The following WDR72 variants were observed in gnomAD, a reference collection of about 807,000 sequenced individuals.
WDR72 encodes the protein WD repeat domain 72.
In WDR72, 120 loss-of-function variants were observed where a neutral mutation model predicts 124.2. The ratio of observed to expected loss-of-function variants is 0.97; its 90% CI spans 0.83 to 1.12. WDR72 has a LOEUF of 1.12. Ranked by LOEUF, WDR72 falls within the 50% of genes most tolerant of loss-of-function variation. WDR72 has a pLI of 0.00. For synonymous variants in WDR72, 452 were observed against 441.7 expected (o/e 1.02, Z -0.29); for missense variants, 1,387 against 1,278.8 (o/e 1.08, Z -1.29).
chr15:53,524,981 G>A (rs748346471), intron 18 of WDR72, among the ~76,000 whole-genome samples: 8 of 152,124 alleles, frequency 5.3e-5, no homozygotes, highest in Non-Finnish European at 7.4e-5. Context: ...TCTTTTCAAT[G>A]GATCTGTTCA....
At chr15:53,683,491 T>A (rs575744278) in intron 13 of WDR72, among the ~76,000 whole-genome samples, 5 of 152,230 alleles carry the variant, frequency 3.3e-5, no homozygotes, top group South Asian at 2.1e-4. Flanking sequence ...CAAAATTTTT[T>A]AAAATAAGGA....
At chr15:53,679,013 A>G (rs1475013770) in intron 13 of WDR72, among the ~76,000 whole-genome samples, 1 of 152,256 alleles carries the variant, frequency 6.6e-6, no homozygotes, top group Admixed American at 6.5e-5. Flanking sequence ...AAAATGGATG[A>G]AACTTGAAGT....
chr15:53,612,614 CTA>C (rs2013591162), intron 16 of WDR72, among the ~76,000 whole-genome samples: 1 of 151,742 alleles, frequency 6.6e-6, no homozygotes, highest in African/African-American at 2.4e-5. Flanking sequence ...GGGGTGAGCA[CTA>C]AGAGAGAAGG....
intron 18 of WDR72, among the ~76,000 whole-genome samples, chr15:53,554,416 G>T (rs1278406311): frequency 6.6e-6 from 1 of 152,014 alleles, no homozygotes; most frequent in African/African-American, 2.4e-5. Flanking sequence ...AAAATAGAAA[G>T]ACAAAATGGC....
intron 13 of WDR72, among the ~76,000 whole-genome samples, chr15:53,671,124 CATG>C (rs1234281811): frequency 1.3e-5 from 2 of 152,152 alleles, no homozygotes; most frequent in Non-Finnish European, 2.9e-5. Context: ...ACAACCTGCT[CATG>C]ATTTTTTTTT....
chr15:53,587,351 A>C (rs1461621351), intron 18 of WDR72, among the ~76,000 whole-genome samples: 1 of 152,004 alleles, frequency 6.6e-6, no homozygotes, highest in Non-Finnish European at 1.5e-5. Context: ...CAGTGTCAAG[A>C]AAATCCATTT....
intron 1 of WDR72, among the ~76,000 whole-genome samples, chr15:53,749,461 C>A (rs1035846291): frequency 6.6e-6 from 1 of 152,068 alleles, no homozygotes; most frequent in African/African-American, 2.4e-5. Context: ...ACTGGCCATT[C>A]CCCTGTCTCC....
In WDR72 at chr15:53,638,872, G is replaced by A. The variant is rs376449642; in HGVS notation, c.1963-22629C>T. ...ACAAAAATTAGCCAGGCATGATGGC[G>A]GGTACCTGTAATCCCAGCTACTTGG... On this transcript the variant is annotated intron_variant, in intron 14 of 19. Coordinates refer to ENST00000360509, the MANE Select transcript of WDR72 (RefSeq NM_182758.4). Among the ~76,000 whole-genome samples the A allele has an allele frequency of 1.2e-4, 18 of 151,908 alleles. No individual in the cohort carries two copies. In the East Asian group the frequency reaches 3.1e-3, roughly 26 times the overall value.
intron 5 of WDR72, 145 bp from the exon 6 acceptor site, chr15:53,714,655 T>C: frequency 1.5e-6 from 1 of 668,378 alleles, no homozygotes; most frequent in South Asian, 1.8e-5. Context: ...CTAGAAAAAA[T>C]AAACATTTTA....
intron 18 of WDR72, among the ~76,000 whole-genome samples, chr15:53,547,057 T>C (rs1032846197): frequency 6.6e-6 from 1 of 152,186 alleles, no homozygotes; most frequent in Non-Finnish European, 1.5e-5. Context: ...TATGACAAAA[T>C]ACATAAGCCT....
intron 18 of WDR72, among the ~76,000 whole-genome samples, chr15:53,524,913 A>T (rs1052228841): frequency 6.6e-6 from 1 of 152,096 alleles, no homozygotes; most frequent in Non-Finnish European, 1.5e-5. Flanking sequence ...CACATGAATG[A>T]TGCAGAGGTA....
At chr15:53,742,914 C>T (rs1428179464) in intron 1 of WDR72, among the ~76,000 whole-genome samples, 2 of 152,028 alleles carry the variant, frequency 1.3e-5, no homozygotes, top group East Asian at 3.9e-4. Flanking sequence ...ATCAATACAG[C>T]TATGGAAATA....
intron 13 of WDR72, among the ~76,000 whole-genome samples, chr15:53,668,874 T>C (rs1353825219): frequency 7.6e-6 from 1 of 130,986 alleles, no homozygotes; most frequent in African/African-American, 2.9e-5. Flanking sequence ...CACTGTATTA[T>C]AGCCTCAGTG....
At chr15:53,710,138 A>G (rs1257252592) in intron 9 of WDR72, among the ~76,000 whole-genome samples, 3 of 152,254 alleles carry the variant, frequency 2.0e-5, no homozygotes, top group Non-Finnish European at 4.4e-5. Flanking sequence ...CCAAAAGCAT[A>G]ATTATATTTG....
chr15:53,589,092 G>A (rs769775257), intron 18 of WDR72, among the ~76,000 whole-genome samples: 16 of 151,890 alleles, frequency 1.1e-4, no homozygotes, highest in Non-Finnish European at 2.4e-4. Flanking sequence ...CAAGGCTCAG[G>A]TCTCTAAAAA....
chr15:53,594,972 T>C (rs1375875070), intron 18 of WDR72, among the ~76,000 whole-genome samples: 2 of 152,188 alleles, frequency 1.3e-5, no homozygotes, highest in Non-Finnish European at 2.9e-5. Context: ...CTCTCTTCGA[T>C]GTATTTTATG....
intron 13 of WDR72, among the ~76,000 whole-genome samples, chr15:53,674,248 C>A (rs2016089170): frequency 2.0e-5 from 3 of 152,148 alleles, no homozygotes; most frequent in Admixed American, 1.3e-4. Flanking sequence ...GACCTCACTA[C>A]CAAATTTGAT....
chr15:53,690,224 GA>G (rs1048305168), intron 13 of WDR72, among the ~76,000 whole-genome samples: 1 of 151,114 alleles, frequency 6.6e-6, no homozygotes, highest in Non-Finnish European at 1.5e-5. Context: ...AATAATAAAA[GA>G]AAAAAAACTT....
rs541789176 is a variant in WDR72 at position 53,660,004 on chromosome 15, T to A, written c.1962+5568A>T. Among the ~76,000 whole-genome samples, 53 of 152,128 alleles carry A rather than the reference T, an allele frequency of 3.5e-4. No homozygotes were observed. The South Asian group carries it at 4.8e-3, about 14-fold the overall frequency. ...GAGGAAAATGACTGTTCATCAAGTGTTTGAAATGTAAAATAAAAATCTATT... is the reference window on the plus strand; with the variant it reads ...GAGGAAAATGACTGTTCATCAAGTGATTGAAATGTAAAATAAAAATCTATT... On this transcript the variant is annotated intron_variant, in intron 14 of 19. Coordinates refer to ENST00000360509, the MANE Select transcript of WDR72 (RefSeq NM_182758.4).
Sources: gnomAD v4.1 joint callset for allele counts (sites outside exome capture counted in the v4.1 genomes callset) on GRCh38, gnomAD v4.1.1 for gene constraint, MANE v1.5 for transcripts, NCBI Gene and HGNC (gene_info 2026-07-23, HGNC 2026-07-21) for gene names.